The following RELCH variants were observed in gnomAD, a reference collection of about 807,000 sequenced individuals.
RELCH encodes RAB11 binding and LisH domain, coiled-coil and HEAT repeat containing, also known as RAB11-binding protein RELCH.
In RELCH, 41 loss-of-function variants were observed where a neutral mutation model predicts 150.3. That is an observed-to-expected ratio of 0.27 (90% CI 0.21 to 0.35). The LOEUF (loss-of-function observed/expected upper bound fraction) is 0.35, where lower values mean the gene tolerates loss of function less well. Among genes scored for constraint, RELCH ranks in the 10% least tolerant of loss-of-function variants. The probability of loss-of-function intolerance (pLI) is 1.00; values close to 1 mark genes in which losing one functional copy is unlikely to be tolerated. For missense variants in RELCH, 1,092 were observed against 1,467.8 expected (o/e 0.74, Z 4.18); for synonymous variants, 478 against 531.8 (o/e 0.90, Z 1.39).
chr18:62,215,748 G>T (rs528867549), intron 2 of RELCH, among the ~76,000 whole-genome samples: 16 of 152,104 alleles, frequency 1.1e-4, no homozygotes, highest in Non-Finnish European at 2.4e-4. Context: ...GGCATGATCA[G>T]GATGTATCAC....
intron 12 of RELCH, among the ~76,000 whole-genome samples, chr18:62,253,525 C>G (rs773467013): frequency 5.3e-5 from 8 of 151,892 alleles, no homozygotes; most frequent in Non-Finnish European, 8.8e-5. Flanking sequence ...CTTATTTTTC[C>G]ACCTTAAAAA....
At position 62,255,479 on chromosome 18, in the gene RELCH, G is replaced by GT; in HGVS notation, c.1896+2dup. The GT allele has an allele frequency of 6.3e-7, 1 of 1,577,246 alleles. No individual in the cohort carries two copies. Among genetic ancestry groups the GT allele is most frequent in the Non-Finnish European group, 8.6e-7 (1 of 1,165,200 alleles). Reference sequence around the variant, plus strand: ...TGGAGCACTGGCACCTTACCTTCCTGTAAGATTGTCTTTTTTTTTTTCTTT... The same window carrying GT: ...TGGAGCACTGGCACCTTACCTTCCTGTTAAGATTGTCTTTTTTTTTTTCTTT... On this transcript the variant is annotated splice_donor_variant, in intron 13 of 28. Coordinates refer to ENST00000644646, the MANE Select transcript of RELCH (RefSeq NM_001346231.2). LOFTEE classifies it high-confidence loss of function.
At position 62,273,504 on chromosome 18, in the gene RELCH, G is replaced by A. The variant is rs566898282; in HGVS notation, c.2761-476G>A. On this transcript the variant is annotated intron_variant, in intron 20 of 28. Coordinates refer to ENST00000644646, the MANE Select transcript of RELCH (RefSeq NM_001346231.2). Reference sequence around the variant, plus strand: ...TGTATTATATAGAGCCAAAATTTATGGGAACAAAAATTCGTAAGGTAAATT... The same window carrying A: ...TGTATTATATAGAGCCAAAATTTATAGGAACAAAAATTCGTAAGGTAAATT... 7.6e-4 allele frequency among the ~76,000 whole-genome samples: 115 copies of A among 152,086 alleles called. 1 individual carries two copies. Among genetic ancestry groups the A allele is most frequent in the Non-Finnish European group, 1.4e-3 (92 of 67,934 alleles).
intron 11 of RELCH, among the ~76,000 whole-genome samples, chr18:62,248,336 A>G: frequency 6.6e-6 from 1 of 152,234 alleles, no homozygotes; most frequent in East Asian, 1.9e-4. Flanking sequence ...ATCCTCAGAA[A>G]GTTGGCTCCA....
intron 13 of RELCH, among the ~76,000 whole-genome samples, chr18:62,255,818 T>C (rs1339465125): frequency 6.6e-6 from 1 of 152,118 alleles, no homozygotes; most frequent in African/African-American, 2.4e-5. Flanking sequence ...TCTCTTTCAC[T>C]GTGTTGAAAT....
In RELCH at chr18:62,227,314, G is replaced by C. The variant is rs760171193; in HGVS notation, c.884G>C (p.Gly295Ala). Residue 295 changes from glycine (G) to alanine (A), a missense_variant, in exon 6 of 29, where the codon GGA becomes GCA. Coordinates refer to ENST00000644646, the MANE Select transcript of RELCH (RefSeq NM_001346231.2). Reference protein sequence around the residue: ...DQDFELWDDVGLNIPKPPDLL... With the variant: ...DQDFELWDDVALNIPKPPDLL... ...GATTTTGAATTATGGGATGATGTAGGATTAAACATTCCAAAACCTCCAGAC... is the reference window on the plus strand; with the variant it reads ...GATTTTGAATTATGGGATGATGTAGCATTAAACATTCCAAAACCTCCAGAC... 1 of 1,607,444 alleles carries C rather than the reference G, an allele frequency of 6.2e-7. No homozygotes were observed. The highest frequency in any genetic ancestry group is 1.1e-5 in the South Asian group (1 of 90,898).
chr18:62,251,469 G>A (rs1383275417), intron 11 of RELCH, among the ~76,000 whole-genome samples: 1 of 152,172 alleles, frequency 6.6e-6, no homozygotes, highest in East Asian at 1.9e-4. Context: ...GTTTATCTAA[G>A]CATGCCTGCT....
intron 1 of RELCH, 80 bp downstream of exon 1, chr18:62,188,111 T>C: frequency 7.1e-7 from 1 of 1,408,106 alleles, no homozygotes; most frequent in African/African-American, 1.4e-5. Context: ...GGGGTATTTC[T>C]GCGTGGGTCC....
At chr18:62,195,302 GTGTGTGTGTGTA>G (rs1235294886) in intron 1 of RELCH, among the ~76,000 whole-genome samples, 1 of 151,828 alleles carries the variant, frequency 6.6e-6, no homozygotes, top group East Asian at 1.9e-4. Context: ...GTGTGTGTGT[GTGTGTGTGTGTA>G]TACACTGTAT....
chr18:62,274,603 G>A lies in RELCH; in HGVS notation c.2867+517G>A, dbSNP rs562704360. ...ATACCCTTCCGTATAGATGGTTTGA[G>A]TTGATTTTATTTGATTCTACAACAA... is the stretch of plus-strand genomic sequence containing the variant. On this transcript the variant is annotated intron_variant, in intron 21 of 28. Coordinates refer to ENST00000644646, the MANE Select transcript of RELCH (RefSeq NM_001346231.2). 4.5e-4 allele frequency among the ~76,000 whole-genome samples: 68 copies of A among 152,306 alleles called. 2 individuals carry two copies. Among genetic ancestry groups the A allele is most frequent in the South Asian group, 1.0e-3 (5 of 4,828 alleles).
chr18:62,201,962 AAT>A (rs2039481141), intron 1 of RELCH, among the ~76,000 whole-genome samples: 1 of 152,218 alleles, frequency 6.6e-6, no homozygotes, highest in Non-Finnish European at 1.5e-5. Flanking sequence ...ATTAAATGTA[AAT>A]ATAAATAAAA....
chr18:62,208,202 C>T (rs765663751), intron 1 of RELCH, among the ~76,000 whole-genome samples: 43 of 151,960 alleles, frequency 2.8e-4, no homozygotes, highest in Non-Finnish European at 5.4e-4. Flanking sequence ...CTTTGGAGAA[C>T]GCTTTGTCCA....
intron 1 of RELCH, among the ~76,000 whole-genome samples, chr18:62,206,965 CGT>C (rs2039837076): frequency 6.6e-6 from 1 of 152,048 alleles, no homozygotes; most frequent in Non-Finnish European, 1.5e-5. Flanking sequence ...GTCTTAAACT[CGT>C]GGGTTCAAGT....
intron 10 of RELCH, among the ~76,000 whole-genome samples, chr18:62,236,880 C>T (rs761921608): frequency 4.0e-5 from 6 of 151,426 alleles, no homozygotes; most frequent in Non-Finnish European, 8.9e-5. Context: ...TTCTGTAGTT[C>T]CATAAGATAT....
intron 18 of RELCH, among the ~76,000 whole-genome samples, chr18:62,265,548 A>G (rs576098223): frequency 2.0e-5 from 3 of 152,220 alleles, no homozygotes; most frequent in South Asian, 4.1e-4. Flanking sequence ...TAATAAACAC[A>G]TTTAAAAGGT....
chr18:62,291,903 T>A (rs1423399562), intron 27 of RELCH, among the ~76,000 whole-genome samples: 3 of 152,228 alleles, frequency 2.0e-5, no homozygotes, highest in Non-Finnish European at 4.4e-5. Context: ...AATTTTTAAC[T>A]ATAAAATATT....
intron 23 of RELCH, 70 bp downstream of exon 23, chr18:62,279,926 G>A: frequency 2.1e-6 from 2 of 937,254 alleles, no homozygotes; most frequent in East Asian, 2.6e-5. Flanking sequence ...ATAACCATCA[G>A]CTCTTAAATT....
chr18:62,302,412 G>A (rs1217517617), intron 28 of RELCH, among the ~76,000 whole-genome samples: 1 of 152,180 alleles, frequency 6.6e-6, no homozygotes, highest in Non-Finnish European at 1.5e-5. Flanking sequence ...AAGGTGACCA[G>A]GCATGGAATT....
At chr18:62,213,031 G>C (rs2040261813) in intron 2 of RELCH, among the ~76,000 whole-genome samples, 1 of 152,140 alleles carries the variant, frequency 6.6e-6, no homozygotes, top group African/African-American at 2.4e-5. Context: ...GTTGAGTTAT[G>C]AGCATCATTT....
Sources: gnomAD v4.1 joint callset for allele counts (sites outside exome capture counted in the v4.1 genomes callset) on GRCh38, gnomAD v4.1.1 for gene constraint, MANE v1.5 for transcripts, NCBI Gene and HGNC (gene_info 2026-07-23, HGNC 2026-07-21) for gene names.